DOK7: variants seen among roughly 807,000 people sequenced by gnomAD.
DOK7 encodes protein Dok-7.
DOK7 carries 32 observed loss-of-function variants against 30.7 expected under a neutral mutation model. The ratio of observed to expected loss-of-function variants is 1.04; its 90% confidence interval spans 0.79 to 1.40. The LOEUF is 1.40. Ranked by LOEUF, DOK7 falls within the 40% of genes most tolerant of loss-of-function variation. The pLI, the probability that DOK7 is intolerant of heterozygous loss-of-function variation, is 0.00. For synonymous variants in DOK7, 447 were observed against 324.1 expected, an observed-to-expected ratio of 1.38 and a Z score of -4.07; for missense variants, 1,007 against 699.2, an observed-to-expected ratio of 1.44 and a Z score of -4.97.
In DOK7 at chr4:3,493,869, C is replaced by T. The variant is rs1219786567; in HGVS notation, c.*368C>T. 1.8e-6 allele frequency: 2 copies of T among 1,136,218 alleles called. No individual in the cohort carries two copies. The highest frequency in any genetic ancestry group is 1.6e-5 in the African/African-American group (1 of 61,214). 70.4% of individuals were successfully genotyped at this position (1,136,218 alleles called of 1,614,324 possible). On this transcript the variant is annotated 3_prime_UTR_variant, in exon 7 of 7. Transcript: ENST00000340083. ...AGGCCCTGCCGCTGGCCTTGTCCTC[C>T]TTGGGCCTCACGCCCCCTTCGGGGG...
Position 3,493,240 on chromosome 4 carries a change from CAGCCCCCCCTCACAG to C in DOK7, c.1255_1269del (p.Ser419_Gln423del). The C allele has an allele frequency of 1.2e-6, 2 of 1,612,040 alleles. No individual in the cohort carries two copies. The highest frequency in any genetic ancestry group is 8.5e-7 in the Non-Finnish European group (1 of 1,179,664). On this transcript the variant is annotated inframe_deletion, in exon 7 of 7. Transcript: ENST00000340083. ...GCCTTTGCCTGGCTCCTAGAGACCA[CAGCCCCCCCTCACAG>C]GGCAGCCCCGGCAACAGTGCGGCCA...
intron 5 of DOK7, 103 bp downstream of exon 5, chr4:3,485,761 C>T: frequency 1.5e-6 from 2 of 1,340,646 alleles, no homozygotes; most frequent in South Asian, 1.9e-5. Flanking sequence ...GTTAGATGGC[C>T]AGCCTCCCCA....
intron 4 of DOK7, among the ~76,000 whole-genome samples, chr4:3,485,160 G>A (rs1416941840): frequency 6.6e-6 from 1 of 152,210 alleles, no homozygotes; most frequent in Non-Finnish European, 1.5e-5. Context: ...CCGGAAGGCA[G>A]GTATGTGGGC....
intron 6 of DOK7, among the ~76,000 whole-genome samples, chr4:3,491,337 C>T (rs1258501314): frequency 9.7e-5 from 12 of 123,962 alleles, no homozygotes; most frequent in Non-Finnish European, 2.0e-4. Context: ...TTCATTCCTT[C>T]CTTCTTCGCC....
At position 3,492,845 on chromosome 4, in the gene DOK7, C is replaced by T. The variant is rs755288171; in HGVS notation, c.859C>T (p.Gln287Ter). ...ASSRLTAWPE[Q>*]SSSSASTSQE... ...CAGCCGGCTCACCGCATGGCCAGAG[C>T]AATCCTCGTCGTCAGCCAGCACGTC... The change falls in exon 7 of 7, where the codon CAA becomes TAA. Residue 287 changes from glutamine (Q) to a stop codon, truncating the protein, a stop_gained. Transcript: ENST00000340083. LOFTEE classifies it low-confidence loss of function (END_TRUNC). The T allele has an allele frequency of 6.2e-7, 1 of 1,611,778 alleles. No homozygotes were observed.
chr4:3,471,152 C>T (rs543059613), intron 2 of DOK7, among the ~76,000 whole-genome samples: 105 of 152,350 alleles, frequency 6.9e-4, no homozygotes, highest in African/African-American at 1.4e-3. Context: ...GCAGGGAAGA[C>T]GCTCTGGCCT....
intron 2 of DOK7, 73 bp from the exon 3 acceptor site, chr4:3,473,333 G>T: frequency 6.7e-7 from 1 of 1,493,798 alleles, no homozygotes; most frequent in African/African-American, 1.4e-5. Flanking sequence ...GCACTGTCAC[G>T]GCCTCCCCGG....
intron 4 of DOK7, among the ~76,000 whole-genome samples, chr4:3,479,496 G>A (rs977048970): frequency 2.0e-5 from 3 of 152,262 alleles, no homozygotes; most frequent in East Asian, 1.9e-4. Context: ...GGCTGGAGTC[G>A]TGGGAAGGCC....
intron 2 of DOK7, among the ~76,000 whole-genome samples, chr4:3,468,941 G>T (rs1489782511): frequency 1.5e-5 from 2 of 134,212 alleles, no homozygotes; most frequent in African/African-American, 6.8e-5. Context: ...GCGTGCTTTT[G>T]TGCACGTGTG....
At chr4:3,492,667 G>A in intron 6 of DOK7, 92 bp from the exon 7 acceptor site, 3 of 1,558,758 alleles carry the variant, frequency 1.9e-6, no homozygotes, top group Admixed American at 1.8e-5. Flanking sequence ...AGACCAGAGA[G>A]TGCTGGCCTG....
chr4:3,485,135 T>TC (rs899096597), intron 4 of DOK7, among the ~76,000 whole-genome samples: 5 of 151,622 alleles, frequency 3.3e-5, no homozygotes, highest in African/African-American at 1.2e-4. Context: ...CATCCCCCCA[T>TC]CCCCCCAAGC....
intron 6 of DOK7, among the ~76,000 whole-genome samples, chr4:3,490,026 ATTCC>A (rs1162576282): frequency 9.5e-6 from 1 of 104,868 alleles, no homozygotes; most frequent in Non-Finnish European, 1.9e-5. Flanking sequence ...CTGCTCATTC[ATTCC>A]TTCCTTCTTC....
At chr4:3,496,707 T>C (rs1577190014), downstream of DOK7, 1 of 1,198,264 alleles carries the variant, frequency 8.3e-7, no homozygotes, top group Non-Finnish European at 1.1e-6. Flanking sequence ...GTGACCCAGG[T>C]CCCCCAGCCT....
chr4:3,471,863 G>A (rs1726785787), intron 2 of DOK7, among the ~76,000 whole-genome samples: 1 of 152,254 alleles, frequency 6.6e-6, no homozygotes, highest in African/African-American at 2.4e-5. Flanking sequence ...TTTTCTAGCT[G>A]TAAACGTTTC....
chr4:3,489,781 A>C lies in DOK7; in HGVS notation c.757A>C (p.Arg253=), dbSNP rs370967580. 1.3e-6 allele frequency: 2 copies of C among 1,573,774 alleles called. No homozygotes were observed. Among genetic ancestry groups the C allele is most frequent in the Non-Finnish European group, 1.7e-6 (2 of 1,159,428 alleles). ...KRLSLLSHAG[R]PGSGGDDRSL... ...GCTGAGCCTCCTCTCACATGCGGGC[A>C]GGCCGGGCAGTGGAGGTAGGGCCGG... The change falls in exon 6 of 7, where the codon AGG becomes CGG. Residue 253 remains arginine, a synonymous_variant. Coordinates refer to ENST00000340083, the MANE Select transcript of DOK7 (RefSeq NM_173660.5).
intron 4 of DOK7, 190 bp from the exon 5 acceptor site, chr4:3,485,349 G>A: frequency 1.4e-6 from 1 of 717,566 alleles, no homozygotes; most frequent in Non-Finnish European, 2.1e-6. Flanking sequence ...CAGGTGGGGT[G>A]TCGGCTCTGG....
intron 2 of DOK7, among the ~76,000 whole-genome samples, chr4:3,467,718 GC>G (rs1726389047): frequency 6.6e-6 from 1 of 152,190 alleles, no homozygotes; most frequent in African/African-American, 2.4e-5. Context: ...CTTAGCGAAT[GC>G]CACAGCCTGG....
downstream of DOK7, among the ~76,000 whole-genome samples, chr4:3,499,215 C>A (rs1239109892): frequency 2.6e-5 from 4 of 152,188 alleles, no homozygotes; most frequent in East Asian, 5.8e-4. Context: ...GGAGGCCGAC[C>A]CTGCAGGGCT....
chr4:3,499,749 G>A (rs529273455), intron 6 of DOK7, among the ~76,000 whole-genome samples: 2 of 152,170 alleles, frequency 1.3e-5, no homozygotes, highest in African/African-American at 4.8e-5. Flanking sequence ...CAGGAGAGGA[G>A]GGGGTCCCTG....
Sources: allele counts gnomAD v4.1 joint callset (sites outside exome capture counted in the v4.1 genomes callset), GRCh38; gene constraint gnomAD v4.1.1; transcripts MANE v1.5; gene names NCBI Gene and HGNC (gene_info 2026-07-23, HGNC 2026-07-21).